The following CNTNAP2 variants were observed in gnomAD, a reference collection of about 807,000 sequenced individuals.
The protein encoded by CNTNAP2 is contactin-associated protein-like 2.
In CNTNAP2, 98 loss-of-function variants were observed where a neutral mutation model predicts 155.2. The observed-to-expected ratio is 0.63, with a 90% CI of 0.54 to 0.75. The LOEUF (loss-of-function observed/expected upper bound fraction) is 0.75, where lower values mean the gene tolerates loss of function less well. Among genes scored for constraint, CNTNAP2 ranks in the 30% least tolerant of loss-of-function variants. CNTNAP2 has a pLI of 0.00. For missense variants in CNTNAP2, 1,727 were observed against 1,688.1 expected, an observed-to-expected ratio of 1.02 and a Z score of -0.40; for synonymous variants, 651 against 631.2, an observed-to-expected ratio of 1.03 and a Z score of -0.47.
intron 10 of CNTNAP2, among the ~76,000 whole-genome samples, chr7:147,421,082 T>A (rs921128491): frequency 6.6e-6 from 1 of 152,228 alleles, no homozygotes; most frequent in Non-Finnish European, 1.5e-5. Context: ...TTCAAAGAGT[T>A]TGGGTTTGAC....
chr7:146,877,648 T>A (rs1795457265), intron 3 of CNTNAP2, among the ~76,000 whole-genome samples: 1 of 151,912 alleles, frequency 6.6e-6, no homozygotes, highest in South Asian at 2.1e-4. Flanking sequence ...TGTATATATG[T>A]GTATATGTAC....
chr7:146,591,140 A>G (rs761545380), intron 1 of CNTNAP2, among the ~76,000 whole-genome samples: 14 of 152,302 alleles, frequency 9.2e-5, no homozygotes, highest in Non-Finnish European at 1.8e-4. Context: ...TTAAAGTGTT[A>G]CATAAAATTA....
chr7:146,252,419 C>T (rs1051234032), intron 1 of CNTNAP2, among the ~76,000 whole-genome samples: 4 of 152,216 alleles, frequency 2.6e-5, no homozygotes, highest in South Asian at 2.1e-4. Context: ...TGGAAAGTCG[C>T]TCCTCCTTTA....
chr7:147,073,432 G>A (rs987471237), intron 4 of CNTNAP2, among the ~76,000 whole-genome samples: 14 of 152,056 alleles, frequency 9.2e-5, no homozygotes, highest in African/African-American at 3.1e-4. Context: ...AAGGTGTTGC[G>A]TGGATAACTA....
At chr7:146,944,888 A>G (rs1457982478) in intron 3 of CNTNAP2, among the ~76,000 whole-genome samples, 9 of 139,704 alleles carry the variant, frequency 6.4e-5, no homozygotes, top group Admixed American at 6.3e-4. Context: ...AAAAAAAAAA[A>G]GAAAAAGAAA....
intron 9 of CNTNAP2, among the ~76,000 whole-genome samples, chr7:147,325,000 A>AT (rs1397401109): frequency 1.3e-5 from 2 of 152,200 alleles, no homozygotes; most frequent in Non-Finnish European, 2.9e-5. Flanking sequence ...TTTCAAAATA[A>AT]TTTTAGGAAA....
chr7:146,415,852 C>A (rs1584915003), intron 1 of CNTNAP2, among the ~76,000 whole-genome samples: 1 of 152,138 alleles, frequency 6.6e-6, no homozygotes, highest in East Asian at 1.9e-4. Flanking sequence ...AAATTGTTTT[C>A]ATTTCTTAGG....
intron 1 of CNTNAP2, among the ~76,000 whole-genome samples, chr7:146,609,576 A>G (rs544672758): frequency 2.4e-4 from 36 of 152,330 alleles, no homozygotes; most frequent in Non-Finnish European, 3.1e-4. Flanking sequence ...GTCTTGGTAC[A>G]TGAATTTTTA....
intron 15 of CNTNAP2, among the ~76,000 whole-genome samples, chr7:148,067,980 C>A (rs1803300604): frequency 6.6e-6 from 1 of 152,124 alleles, no homozygotes; most frequent in Non-Finnish European, 1.5e-5. Flanking sequence ...CCAGCAAGGC[C>A]AGTCTCACTC....
intron 1 of CNTNAP2, among the ~76,000 whole-genome samples, chr7:146,678,024 G>C (rs945240924): frequency 5.9e-5 from 9 of 152,004 alleles, no homozygotes; most frequent in Non-Finnish European, 1.2e-4. Context: ...CTATAGAAAT[G>C]CTTATAAATA....
chr7:146,438,557 T>C (rs1388826981), intron 1 of CNTNAP2, among the ~76,000 whole-genome samples: 1 of 151,464 alleles, frequency 6.6e-6, no homozygotes, highest in Non-Finnish European at 1.5e-5. Flanking sequence ...TTAGTTTGCA[T>C]TTTAATTATA....
intron 21 of CNTNAP2, among the ~76,000 whole-genome samples, chr7:148,335,011 C>A (rs1259882991): frequency 1.3e-5 from 2 of 152,208 alleles, no homozygotes; most frequent in African/African-American, 2.4e-5. Flanking sequence ...GAGCCAGGCG[C>A]CTGGTCTTTG....
intron 12 of CNTNAP2, among the ~76,000 whole-genome samples, chr7:147,575,335 G>A (rs1190953712): frequency 6.8e-6 from 1 of 146,948 alleles, no homozygotes; most frequent in Non-Finnish European, 1.5e-5. Context: ...GTGTGTGTGT[G>A]TGTGAGAGAC....
intron 18 of CNTNAP2, among the ~76,000 whole-genome samples, chr7:148,204,948 A>G (rs1000231451): frequency 2.6e-5 from 4 of 152,212 alleles, no homozygotes; most frequent in Non-Finnish European, 5.9e-5. Flanking sequence ...GCTGTTGAGT[A>G]ATTAGGTTAA....
intron 14 of CNTNAP2, among the ~76,000 whole-genome samples, chr7:147,920,828 G>A (rs1387626885): frequency 5.7e-5 from 2 of 34,838 alleles, no homozygotes; most frequent in Non-Finnish European, 1.1e-4. Context: ...TTTTTTTTTT[G>A]AGATGGAGTC....
At chr7:148,126,511 C>T (rs1244182307) in intron 16 of CNTNAP2, among the ~76,000 whole-genome samples, 2 of 152,114 alleles carry the variant, frequency 1.3e-5, no homozygotes, top group African/African-American at 2.4e-5. Context: ...TTGGAACTCA[C>T]GATTTCACAG....
At chr7:147,081,202 G>C (rs1391919331) in intron 4 of CNTNAP2, 1 of 152,052 alleles carries the variant, frequency 6.6e-6, no homozygotes, top group Non-Finnish European at 1.5e-5. Flanking sequence ...TTGAAAGAAT[G>C]ATTGTGAATT....
intron 15 of CNTNAP2, among the ~76,000 whole-genome samples, chr7:148,115,811 C>T (rs1804456180): frequency 6.6e-6 from 1 of 152,034 alleles, no homozygotes; most frequent in Admixed American, 6.6e-5. Flanking sequence ...CCTATTTTCT[C>T]CTACTGAAAT....
At chr7:146,132,247 G>A (rs1027368559) in intron 1 of CNTNAP2, among the ~76,000 whole-genome samples, 8 of 152,072 alleles carry the variant, frequency 5.3e-5, no homozygotes, top group African/African-American at 1.2e-4. Context: ...TTGAATAATA[G>A]CACTGGCCAT....
Sources: gnomAD v4.1 joint callset for allele counts (sites outside exome capture counted in the v4.1 genomes callset) on GRCh38, gnomAD v4.1.1 for gene constraint, MANE v1.5 for transcripts, NCBI Gene and HGNC (gene_info 2026-07-23, HGNC 2026-07-21) for gene names.